Variants in ALDH1A2 observed in about 807,000 individuals in gnomAD.
The protein encoded by ALDH1A2 is aldehyde dehydrogenase 1 family member A2.
ALDH1A2 carries 27 observed loss-of-function variants against 60.3 expected under a neutral mutation model. The observed-to-expected ratio is 0.45, with a 90% CI of 0.33 to 0.62. ALDH1A2 has a LOEUF of 0.62. ALDH1A2 is among the 20% of genes least tolerant of loss of function. The pLI is 0.02. For synonymous variants in ALDH1A2, 289 were observed against 232.4 expected, an observed-to-expected ratio of 1.24 and a Z score of -2.21; for missense variants, 581 against 643.8, an observed-to-expected ratio of 0.90 and a Z score of 1.06.
chr15:58,058,191 C>G, intron 1 of ALDH1A2: 1 of 831,492 alleles, frequency 1.2e-6, no homozygotes, highest in Non-Finnish European at 1.9e-6. Flanking sequence ...AAGCCTTCCC[C>G]TCCTCCTTCC....
In ALDH1A2 at chr15:58,010,742, G is replaced by T; in HGVS notation, c.400C>A (p.Gln134Lys). 6.2e-7 allele frequency: 1 copy of T among 1,613,528 alleles called. No individual in the cohort carries two copies. Among genetic ancestry groups the T allele is most frequent in the Non-Finnish European group, 8.5e-7 (1 of 1,179,538 alleles). ...ESLNGGKPFLQAFYVDLQGVI... is the reference protein window; with the variant it reads ...ESLNGGKPFLKAFYVDLQGVI... Reference sequence around the variant, plus strand: ...CCCTGCAAATCCACATAAAAAGCTTGCAGGAATGGTTTGCCACCATTTAGG... The same window carrying T: ...CCCTGCAAATCCACATAAAAAGCTTTCAGGAATGGTTTGCCACCATTTAGG... The change falls in exon 4 of 13, where the codon CAA becomes AAA. Residue 134 changes from glutamine (Q) to lysine (K), a missense_variant. Physicochemically the swap from Gln to Lys is moderately conservative, Grantham distance 53. Coordinates refer to ENST00000249750, the MANE Select transcript of ALDH1A2 (RefSeq NM_003888.4).
At chr15:58,019,710 T>G (rs115083897) in intron 1 of ALDH1A2, among the ~76,000 whole-genome samples, 1 of 152,160 alleles carries the variant, frequency 6.6e-6, no homozygotes, top group Admixed American at 6.6e-5. Flanking sequence ...CACTGACATA[T>G]TATAGGTTGT....
intron 1 of ALDH1A2, among the ~76,000 whole-genome samples, chr15:58,036,228 T>C (rs1896374169): frequency 6.6e-6 from 1 of 151,570 alleles, no homozygotes; most frequent in Non-Finnish European, 1.5e-5. Flanking sequence ...AGTCCCAGGA[T>C]ACAAGATCAA....
intron 3 of ALDH1A2, among the ~76,000 whole-genome samples, chr15:58,011,562 CAT>C (rs1283072338): frequency 1.3e-5 from 2 of 152,118 alleles, no homozygotes; most frequent in East Asian, 1.9e-4. Flanking sequence ...AATTAACAAA[CAT>C]GTTTGTAATT....
chr15:58,015,665 C>T (rs917312371), intron 1 of ALDH1A2, among the ~76,000 whole-genome samples: 4 of 152,210 alleles, frequency 2.6e-5, no homozygotes, highest in African/African-American at 9.6e-5. Context: ...TTAGTACTTA[C>T]AATAACCCCG....
At chr15:57,976,486 AAC>A (rs1894262608) in intron 7 of ALDH1A2, among the ~76,000 whole-genome samples, 1 of 152,090 alleles carries the variant, frequency 6.6e-6, no homozygotes, top group Non-Finnish European at 1.5e-5. Flanking sequence ...CTCATTGTTC[AAC>A]TCTCACTTAT....
At chr15:57,976,605 T>C (rs1300574550) in intron 7 of ALDH1A2, among the ~76,000 whole-genome samples, 1 of 152,214 alleles carries the variant, frequency 6.6e-6, no homozygotes, top group Non-Finnish European at 1.5e-5. Context: ...CATCCTTTTT[T>C]ATGGCTGCAT....
intron 1 of ALDH1A2, among the ~76,000 whole-genome samples, chr15:58,054,282 A>G (rs1207793568): frequency 6.6e-6 from 1 of 152,184 alleles, no homozygotes; most frequent in African/African-American, 2.4e-5. Flanking sequence ...TAAGTAAAAA[A>G]GATCTGTTCT....
chr15:57,986,947 G>A (rs538091321), intron 7 of ALDH1A2, among the ~76,000 whole-genome samples: 37 of 152,194 alleles, frequency 2.4e-4, no homozygotes, highest in African/African-American at 7.0e-4. Flanking sequence ...GGGCCACCAC[G>A]CCCGGCCACA....
intron 1 of ALDH1A2, among the ~76,000 whole-genome samples, chr15:58,045,221 A>C (rs1267138354): frequency 6.6e-6 from 1 of 152,038 alleles, no homozygotes; most frequent in Admixed American, 6.6e-5. Flanking sequence ...TTAGAACGGC[A>C]ATCATTAAAA....
chr15:57,965,938 G>A, intron 7 of ALDH1A2, 111 bp from the exon 8 acceptor site: 1 of 804,696 alleles, frequency 1.2e-6, no homozygotes, highest in South Asian at 1.4e-5. Flanking sequence ...ACCCTAAAAG[G>A]CAAGCCAACC....
At chr15:57,970,342 G>A (rs753878158) in intron 7 of ALDH1A2, among the ~76,000 whole-genome samples, 16 of 152,288 alleles carry the variant, frequency 1.1e-4, no homozygotes, top group South Asian at 6.2e-4. Flanking sequence ...AGTGAACTGG[G>A]GGCTCCTCCA....
chr15:57,981,520 C>T (rs1894511427), intron 7 of ALDH1A2, among the ~76,000 whole-genome samples: 1 of 152,158 alleles, frequency 6.6e-6, no homozygotes, highest in South Asian at 2.1e-4. Flanking sequence ...AAGCAATATG[C>T]TTGGAACTTT....
At chr15:58,016,199 G>A (rs1895785377) in intron 1 of ALDH1A2, among the ~76,000 whole-genome samples, 1 of 150,140 alleles carries the variant, frequency 6.7e-6, no homozygotes, top group Non-Finnish European at 1.5e-5. Context: ...AGAGTGCAGT[G>A]GCACTCAATC....
At chr15:57,958,899 A>G (rs768522782) in intron 12 of ALDH1A2, among the ~76,000 whole-genome samples, 20 of 152,190 alleles carry the variant, frequency 1.3e-4, no homozygotes, top group Non-Finnish European at 2.8e-4. Flanking sequence ...ATTATTTTTT[A>G]ACTGCACTGA....
intron 7 of ALDH1A2, among the ~76,000 whole-genome samples, chr15:57,985,431 T>C (rs1390324372): frequency 1.3e-5 from 2 of 152,224 alleles, no homozygotes; most frequent in African/African-American, 4.8e-5. Context: ...TGCTTAAAAT[T>C]TCCCAAACTC....
chr15:57,992,429 C>T (rs781385374), intron 7 of ALDH1A2, among the ~76,000 whole-genome samples: 2 of 152,142 alleles, frequency 1.3e-5, no homozygotes, highest in African/African-American at 4.8e-5. Context: ...TTGCTTCTGC[C>T]GCTATTCAAC....
intron 1 of ALDH1A2, among the ~76,000 whole-genome samples, chr15:58,036,957 G>C (rs534915456): frequency 2.0e-5 from 3 of 151,766 alleles, no homozygotes; most frequent in African/African-American, 7.2e-5. Context: ...TATTCAGCCG[G>C]CCTGATCAGC....
intron 1 of ALDH1A2, among the ~76,000 whole-genome samples, chr15:58,054,509 G>C (rs138561819): frequency 7.2e-5 from 11 of 152,200 alleles, no homozygotes; most frequent in African/African-American, 2.2e-4. Flanking sequence ...AGGTAACAGA[G>C]GGATCTGATA....
Sources: allele counts gnomAD v4.1 joint callset (sites outside exome capture counted in the v4.1 genomes callset), GRCh38; gene constraint gnomAD v4.1.1; transcripts MANE v1.5; gene names NCBI Gene and HGNC (gene_info 2026-07-23, HGNC 2026-07-21).